ACTN1: variants seen among roughly 807,000 people sequenced by gnomAD.
ACTN1 encodes the protein alpha-actinin-1.
Under a neutral mutation model 119.6 loss-of-function variants are expected in ACTN1, and 30 were observed. The observed-to-expected ratio is 0.25, with a 90% CI of 0.19 to 0.34. ACTN1 has a LOEUF of 0.34. Ranked by LOEUF, ACTN1 falls within the 10% of genes least tolerant of loss-of-function variation. ACTN1 has a pLI of 1.00. For missense variants in ACTN1, 764 were observed against 1,223.4 expected (o/e 0.62, Z 5.60); for synonymous variants, 429 against 472.6 (o/e 0.91, Z 1.20).
Position 68,909,920 on chromosome 14 carries a change from G to C in ACTN1, c.515+35C>G, listed in dbSNP as rs201547909. 6.3e-7 allele frequency: 1 copy of C among 1,593,440 alleles called. No individual in the cohort carries two copies. The highest frequency in any genetic ancestry group is 8.6e-7 in the Non-Finnish European group (1 of 1,162,034). ...TGGGAGCTCCCGGGGGAGGCAGCCTGGTTCTGTGAGAGCCCCTCAGACCCC... is the reference window on the plus strand; with the variant it reads ...TGGGAGCTCCCGGGGGAGGCAGCCTCGTTCTGTGAGAGCCCCTCAGACCCC... On this transcript the variant is annotated intron_variant, in intron 5 of 21. Transcript: ENST00000394419. This position sits in a 1 kb window ranked among gnomAD's most constrained non-coding sequence, Gnocchi z 4.1.
Position 68,941,220 on chromosome 14 carries a change from G to A in ACTN1, c.106-15548C>T, listed in dbSNP as rs1437202041. Among the ~76,000 whole-genome samples, 6 of 152,114 alleles carry A rather than the reference G, an allele frequency of 3.9e-5. No individual in the cohort carries two copies. In the East Asian group the frequency reaches 1.2e-3, roughly 29 times the overall value. The stretch of plus-strand genomic sequence containing the variant: ...GGGGAGAAGCCAGGCAGAAAAAATA[G>A]AAAAAAGAACAGCAGGATAATTCAG... On this transcript the variant is annotated intron_variant, in intron 1 of 21. Transcript: ENST00000394419.
Position 68,932,930 on chromosome 14 carries a change from C to T in ACTN1, c.106-7258G>A, listed in dbSNP as rs115231336. On this transcript the variant is annotated intron_variant, in intron 1 of 21. Coordinates refer to ENST00000394419, the MANE Select transcript of ACTN1 (RefSeq NM_001130004.2). ...GGAGACAAACACATATGCCACAGAT[C>T]GTAATAACAGCAGCAGCTAATACGT... Among the ~76,000 whole-genome samples the T allele has an allele frequency of 9.9e-3, 1,500 of 152,200 alleles. 31 individuals carry two copies. The highest frequency in any genetic ancestry group is 0.034 in the African/African-American group (1,423 of 41,506).
chr14:68,938,748 G>C (rs546628477), intron 1 of ACTN1, among the ~76,000 whole-genome samples: 1 of 152,284 alleles, frequency 6.6e-6, no homozygotes, highest in South Asian at 2.1e-4. Context: ...GACACATCAG[G>C]AGCCCAGTCA....
At chr14:68,958,079 C>T (rs1028422659) in intron 1 of ACTN1, among the ~76,000 whole-genome samples, 4 of 152,170 alleles carry the variant, frequency 2.6e-5, no homozygotes, top group South Asian at 2.1e-4. Context: ...TTGGGTTTCA[C>T]GCCTGGCAGG....
In ACTN1 at chr14:68,925,321, T is replaced by G. The variant is rs1158209539; in HGVS notation, c.220+237A>C. Among the ~76,000 whole-genome samples the G allele has an allele frequency of 7.2e-6, 1 of 139,782 alleles. No individual in the cohort carries two copies. Among genetic ancestry groups the G allele is most frequent in the East Asian group, 2.0e-4 (1 of 4,984 alleles). 91.7% of individuals were successfully genotyped at this position (139,782 alleles called of 152,430 possible). A position where few individuals can be genotyped will look rare whatever the true frequency, so the allele number is the denominator to read the frequency against. ...GGAACCTCAGTTCCTTCAAACCCTT[T>G]TTTTTTTTTTTTTTTTTTTTAAAAC... On this transcript the variant is annotated intron_variant, in intron 2 of 21. Coordinates refer to ENST00000394419, the MANE Select transcript of ACTN1 (RefSeq NM_001130004.2). This position sits in a 1 kb window ranked among gnomAD's most constrained non-coding sequence, Gnocchi z 4.3.
At position 68,938,750 on chromosome 14, in the gene ACTN1, G is replaced by A. The variant is rs571688571; in HGVS notation, c.106-13078C>T. 2.0e-5 allele frequency among the ~76,000 whole-genome samples: 3 copies of A among 152,326 alleles called. No homozygotes were observed. In the South Asian group the frequency reaches 6.2e-4, roughly 32 times the overall value. On this transcript the variant is annotated intron_variant, in intron 1 of 21. Transcript: ENST00000394419. ...GCAAGATACCCTGGACACATCAGGA[G>A]CCCAGTCAATGTCAGCGGTCAGCAT...
At chr14:68,969,431 T>C (rs2036807953) in intron 1 of ACTN1, among the ~76,000 whole-genome samples, 1 of 152,222 alleles carries the variant, frequency 6.6e-6, no homozygotes, top group Admixed American at 6.5e-5. Context: ...GAAAAGCACT[T>C]TGGGTTCCTG....
intron 2 of ACTN1, among the ~76,000 whole-genome samples, chr14:68,922,221 T>A (rs1374890344): frequency 6.6e-6 from 1 of 152,144 alleles, no homozygotes; most frequent in Non-Finnish European, 1.5e-5. Flanking sequence ...CTGCGAGGAC[T>A]CCAGGGACCA....
rs181468 is a variant in ACTN1 at position 68,885,753 on chromosome 14, C to T, written c.1235-178G>A. ...ATGTGCAACTAGAACATCCACCAACCGGCGCAACGGGGAAAAGCACTCTCC... is the reference window on the plus strand; with the variant it reads ...ATGTGCAACTAGAACATCCACCAACTGGCGCAACGGGGAAAAGCACTCTCC... On this transcript the variant is annotated intron_variant, in intron 11 of 21. Coordinates refer to ENST00000394419, the MANE Select transcript of ACTN1 (RefSeq NM_001130004.2). The surrounding 1 kb of genome is among the most constrained non-coding windows in gnomAD (Gnocchi z 5.6). 3.1e-5 allele frequency: 21 copies of T among 685,246 alleles called. No homozygotes were observed. Among genetic ancestry groups the T allele is most frequent in the Non-Finnish European group, 3.8e-5 (16 of 416,020 alleles). The allele number at this position is 685,246 out of a possible 1,614,324, so 42.4% of individuals were successfully genotyped here.
chr14:68,938,867 G>C (rs749339303), intron 1 of ACTN1, among the ~76,000 whole-genome samples: 4 of 152,178 alleles, frequency 2.6e-5, no homozygotes, highest in African/African-American at 9.7e-5. Flanking sequence ...CCACTGATGA[G>C]AGAACTCTGA....
intron 1 of ACTN1, among the ~76,000 whole-genome samples, chr14:68,940,047 C>T (rs1406157396): frequency 1.3e-5 from 2 of 152,202 alleles, no homozygotes; most frequent in Non-Finnish European, 2.9e-5. Context: ...CAGAGTGGCA[C>T]CCGCTCCGGG....
At chr14:68,946,326 C>G (rs1213328188) in intron 1 of ACTN1, among the ~76,000 whole-genome samples, 1 of 152,126 alleles carries the variant, frequency 6.6e-6, no homozygotes, top group East Asian at 1.9e-4. Context: ...CTCTAATGGA[C>G]CAGGCCAACT....
At chr14:68,911,070 G>A (rs77495565) in intron 4 of ACTN1, among the ~76,000 whole-genome samples, 8,426 of 152,278 alleles carry the variant, frequency 0.055, 326 homozygotes, top group African/African-American at 0.073. Flanking sequence ...AAGGTACTCA[G>A]TGGACTGTGT....
chr14:68,929,182 C>G (rs1278252997), intron 1 of ACTN1, among the ~76,000 whole-genome samples: 1 of 152,082 alleles, frequency 6.6e-6, no homozygotes, highest in Admixed American at 6.5e-5. Flanking sequence ...CAGAGGAGGT[C>G]TGACAGCTGA....
At chr14:68,956,425 A>G (rs892019704) in intron 1 of ACTN1, among the ~76,000 whole-genome samples, 2 of 152,230 alleles carry the variant, frequency 1.3e-5, no homozygotes, top group East Asian at 3.8e-4. Context: ...TCATAGGGTT[A>G]TCTAGCTTTA....
At position 68,885,829 on chromosome 14, in the gene ACTN1, G is replaced by A; in HGVS notation, c.1235-254C>T. ...GTGTCTACGCAGGAAGGCTATGCAG[G>A]AGTCTGTGGGAATGCATAGGGCATG... On this transcript the variant is annotated intron_variant, in intron 11 of 21. Transcript: ENST00000394419. This position sits in a 1 kb window ranked among gnomAD's most constrained non-coding sequence, Gnocchi z 5.6. The A allele has an allele frequency of 2.0e-6, 1 of 490,204 alleles. No homozygotes were observed. Among genetic ancestry groups the A allele is most frequent in the East Asian group, 3.3e-5 (1 of 30,184 alleles). The allele number at this position is 490,204 out of a possible 1,614,324, so 30.4% of individuals were successfully genotyped here.
rs750990751 is a variant in ACTN1, at chr14:68,879,973, G to A, written c.2269C>T (p.His757Tyr). ...GATGGGGCTCTCACCCGGTCAAAGT[G>A]GTTGAAGGAGGCCCGGAACTCATTC... ...QMNEFRASFN[H>Y]FDRDHSGTLG... The change falls in exon 18 of 22, where the codon CAC becomes TAC. Residue 757 changes from histidine (H) to tyrosine (Y), a missense_variant. His to Tyr is a moderately conservative substitution (Grantham distance 83). This residue lies in a region of ACTN1 where 544 missense variants were observed against 912.0 expected (regional missense o/e 0.60). Coordinates refer to ENST00000394419, the MANE Select transcript of ACTN1 (RefSeq NM_001130004.2). This position sits in a 1 kb window ranked among gnomAD's most constrained non-coding sequence, Gnocchi z 4.9. 6.2e-7 allele frequency: 1 copy of A among 1,614,170 alleles called. No homozygotes were observed. The highest frequency in any genetic ancestry group is 1.1e-5 in the South Asian group (1 of 91,088).
Position 68,925,777 on chromosome 14 carries a change from G to A in ACTN1, c.106-105C>T. On this transcript the variant is annotated intron_variant, in intron 1 of 21. Coordinates refer to ENST00000394419, the MANE Select transcript of ACTN1 (RefSeq NM_001130004.2). The surrounding 1 kb of genome is among the most constrained non-coding windows in gnomAD (Gnocchi z 4.3). Reference sequence around the variant, plus strand: ...GGGGTGGGAGGTGGACACCTACTCAGCAGAGCCTCTCAACACAGTTGCCCC... The same window carrying A: ...GGGGTGGGAGGTGGACACCTACTCAACAGAGCCTCTCAACACAGTTGCCCC... 2.5e-6 allele frequency: 2 copies of A among 798,704 alleles called. No homozygotes were observed. Among genetic ancestry groups the A allele is most frequent in the Non-Finnish European group, 4.0e-6 (2 of 498,232 alleles). 49.5% of individuals were successfully genotyped at this position (798,704 alleles called of 1,614,324 possible). A position where few individuals can be genotyped will look rare whatever the true frequency, so the allele number is the denominator to read the frequency against.
chr14:68,875,154 A>G, intron 21 of ACTN1, 137 bp from the exon 22 acceptor site: 1 of 1,532,508 alleles, frequency 6.5e-7, no homozygotes, highest in Non-Finnish European at 8.8e-7. Flanking sequence ...TAACTACAGG[A>G]TGTACGGACG....
Sources: allele counts gnomAD v4.1 joint callset (sites outside exome capture counted in the v4.1 genomes callset), GRCh38; gene constraint gnomAD v4.1.1; regional missense constraint gnomAD v4.1.1; non-coding constraint Gnocchi (gnomAD v3.1); transcripts MANE v1.5; gene names NCBI Gene and HGNC (gene_info 2026-07-23, HGNC 2026-07-21).